The following RELN variants were observed in gnomAD, a reference collection of about 807,000 sequenced individuals.
The protein encoded by RELN is reelin.
A neutral mutation model predicts 427.6 loss-of-function variants in RELN; 108 were observed. The ratio of observed to expected loss-of-function variants is 0.25; its 90% CI spans 0.22 to 0.30. The LOEUF (loss-of-function observed/expected upper bound fraction) is 0.30, where lower values mean the gene tolerates loss of function less well. Among genes scored for constraint, RELN ranks in the 10% least tolerant of loss-of-function variants. The pLI is 1.00. For missense variants in RELN, 3,715 were observed against 4,302.8 expected (o/e 0.86, Z 3.82); for synonymous variants, 1,524 against 1,513.4 (o/e 1.01, Z -0.16).
chr7:103,563,510 CAAAAGTTTTAAA>C lies in RELN; in HGVS notation c.5211-1569_5211-1558del. Among the ~76,000 whole-genome samples, 1 of 151,944 alleles carries C rather than the reference CAAAAGTTTTAAA, an allele frequency of 6.6e-6. No individual in the cohort carries two copies. Among genetic ancestry groups the C allele is most frequent in the South Asian group, 2.1e-4 (1 of 4,810 alleles). ...GTTTTAAGCTGTTATCACAAGAGTC[CAAAAGTTTTAAA>C]AAAAGTTTATATAATGGAAAAGTTA... On this transcript the variant is annotated intron_variant, in intron 34 of 64. Coordinates refer to ENST00000428762, the MANE Select transcript of RELN (RefSeq NM_005045.4). The surrounding 1 kb of genome is among the most constrained non-coding windows in gnomAD (Gnocchi z 4.1).
chr7:103,782,860 A>G (rs992197919), intron 3 of RELN, among the ~76,000 whole-genome samples: 78 of 152,082 alleles, frequency 5.1e-4, no homozygotes, highest in Non-Finnish European at 1.9e-4. Flanking sequence ...AATGCACTTT[A>G]CCTCCAGGGG....
chr7:103,888,122 C>T (rs1794764029), intron 2 of RELN, among the ~76,000 whole-genome samples: 2 of 152,110 alleles, frequency 1.3e-5, no homozygotes, highest in Non-Finnish European at 2.9e-5. Flanking sequence ...GGAGTTCTAA[C>T]TCATCCTCCA....
At chr7:103,836,371 T>C (rs1057170040) in intron 2 of RELN, among the ~76,000 whole-genome samples, 2 of 152,214 alleles carry the variant, frequency 1.3e-5, no homozygotes, top group African/African-American at 2.4e-5. Context: ...AGTTCTTCAA[T>C]TGCACTAGCC....
At chr7:103,590,393 C>A (rs1192233758) in intron 27 of RELN, among the ~76,000 whole-genome samples, 2 of 151,970 alleles carry the variant, frequency 1.3e-5, no homozygotes, top group Admixed American at 6.6e-5. Flanking sequence ...AAAACCCTGT[C>A]TCTACTAAAA....
At chr7:103,528,485 T>G (rs570866775) in intron 46 of RELN, among the ~76,000 whole-genome samples, 465 of 28,616 alleles carry the variant, frequency 0.016, 3 homozygotes, top group African/African-American at 0.027. Flanking sequence ...ACCCTGTGGG[T>G]TTTTTTTTTT....
intron 52 of RELN, among the ~76,000 whole-genome samples, chr7:103,501,914 T>G (rs1241253520): frequency 1.3e-5 from 2 of 151,826 alleles, no homozygotes; most frequent in African/African-American, 4.9e-5. Flanking sequence ...TATCTTTCTT[T>G]CTCACTGGAC....
intron 2 of RELN, among the ~76,000 whole-genome samples, chr7:103,874,107 A>AT (rs1794418232): frequency 6.9e-6 from 1 of 144,468 alleles, no homozygotes; most frequent in Admixed American, 7.0e-5. Flanking sequence ...GACAAAAACC[A>AT]CATGATTATC....
At chr7:103,634,104 T>C (rs986582970) in intron 19 of RELN, among the ~76,000 whole-genome samples, 5 of 152,128 alleles carry the variant, frequency 3.3e-5, no homozygotes, top group Admixed American at 1.3e-4. Context: ...TACTTAAATA[T>C]GGAGGCAGTT....
chr7:103,605,548 T>C (rs1258472254), intron 22 of RELN, among the ~76,000 whole-genome samples: 1 of 152,230 alleles, frequency 6.6e-6, no homozygotes, highest in East Asian at 1.9e-4. Context: ...TTTAAAATTA[T>C]AGCATATTTT....
intron 2 of RELN, among the ~76,000 whole-genome samples, chr7:103,857,879 C>T (rs1396398180): frequency 6.6e-6 from 1 of 152,132 alleles, no homozygotes; most frequent in East Asian, 1.9e-4. Context: ...AAAAAAGCCA[C>T]ATCTTTAAGA....
chr7:103,617,925 G>T (rs1832121753), intron 20 of RELN, among the ~76,000 whole-genome samples: 1 of 152,036 alleles, frequency 6.6e-6, no homozygotes, highest in South Asian at 2.1e-4. Context: ...CCTCTCTCCT[G>T]CTTCCTCTGT....
chr7:103,935,040 T>C (rs1795950539), intron 1 of RELN, among the ~76,000 whole-genome samples: 1 of 152,208 alleles, frequency 6.6e-6, no homozygotes, highest in Admixed American at 6.5e-5. Context: ...GACATGTTTC[T>C]TTAGCACAAG....
chr7:103,505,974 T>A (rs1829196277), intron 51 of RELN, among the ~76,000 whole-genome samples: 1 of 151,924 alleles, frequency 6.6e-6, no homozygotes, highest in Admixed American at 6.6e-5. Flanking sequence ...ATCGATCAAG[T>A]GGAGGAAAGA....
intron 27 of RELN, among the ~76,000 whole-genome samples, chr7:103,590,106 AG>A (rs1831375699): frequency 6.6e-6 from 1 of 152,220 alleles, no homozygotes; most frequent in African/African-American, 2.4e-5. Flanking sequence ...GTGGTTCTTG[AG>A]TCTCAGACAA....
chr7:103,516,795 C>T (rs886426920), intron 49 of RELN, among the ~76,000 whole-genome samples: 5 of 152,166 alleles, frequency 3.3e-5, no homozygotes, highest in Admixed American at 6.5e-5. Flanking sequence ...TTTGTTTATA[C>T]AGTATCTCCA....
chr7:103,603,494 T>G lies in RELN; in HGVS notation c.3147-4A>C, dbSNP rs375230548. The stretch of plus-strand genomic sequence containing the variant: ...GCCTTGGTACCCCTGGTCACACCTA[T>G]GAGAGAGCAGGGCTGAGTAGGCAGG... On this transcript the variant is annotated splice_region_variant and splice_polypyrimidine_tract_variant and intron_variant, in intron 23 of 64. Coordinates refer to ENST00000428762, the MANE Select transcript of RELN (RefSeq NM_005045.4). This position sits in a 1 kb window ranked among gnomAD's most constrained non-coding sequence, Gnocchi z 4.3. The G allele has an allele frequency of 1.2e-6, 2 of 1,612,762 alleles. No individual in the cohort carries two copies. Among genetic ancestry groups the G allele is most frequent in the South Asian group, 2.2e-5 (2 of 91,072 alleles).
chr7:103,851,011 T>G (rs750242920), intron 2 of RELN, among the ~76,000 whole-genome samples: 3 of 152,142 alleles, frequency 2.0e-5, no homozygotes, highest in Non-Finnish European at 4.4e-5. Flanking sequence ...AAGAAGTCAT[T>G]CGAAAAAGAT....
At chr7:103,545,787 C>A (rs1830282877) in intron 41 of RELN, among the ~76,000 whole-genome samples, 1 of 152,036 alleles carries the variant, frequency 6.6e-6, no homozygotes, top group South Asian at 2.1e-4. Flanking sequence ...GCGTGCCCAC[C>A]ACCACACCTG....
At chr7:103,860,053 G>A (rs1006371232) in intron 2 of RELN, among the ~76,000 whole-genome samples, 4 of 152,094 alleles carry the variant, frequency 2.6e-5, no homozygotes, top group Admixed American at 2.6e-4. Flanking sequence ...TTTTATTGGC[G>A]TTAAACATGC....
Sources: gnomAD v4.1 joint callset for allele counts (sites outside exome capture counted in the v4.1 genomes callset) on GRCh38, gnomAD v4.1.1 for gene constraint, Gnocchi (gnomAD v3.1) non-coding constraint, MANE v1.5 for transcripts, NCBI Gene and HGNC (gene_info 2026-07-23, HGNC 2026-07-21) for gene names.